The following TTLL11 variants were observed in gnomAD, a reference collection of about 807,000 sequenced individuals.
The protein encoded by TTLL11 is tubulin polyglutamylase TTLL11.
In TTLL11, 42 loss-of-function variants were observed where a neutral mutation model predicts 51.7. The ratio of observed to expected loss-of-function variants is 0.81; its 90% CI spans 0.64 to 1.05. TTLL11 has a LOEUF of 1.05. TTLL11 is among the 50% of genes least tolerant of loss of function. TTLL11 has a pLI of 0.00. For missense variants in TTLL11, 799 were observed against 940.4 expected (o/e 0.85, Z 1.97); for synonymous variants, 381 against 383.5 (o/e 0.99, Z 0.08).
At chr9:122,017,940 A>C (rs532426175) in intron 3 of TTLL11, among the ~76,000 whole-genome samples, 1 of 152,192 alleles carries the variant, frequency 6.6e-6, no homozygotes. Flanking sequence ...TGTTATAGCT[A>C]TATTTGTTTA....
chr9:121,856,668 G>A (rs1435835616), intron 8 of TTLL11, among the ~76,000 whole-genome samples: 6 of 152,104 alleles, frequency 3.9e-5, no homozygotes, highest in African/African-American at 7.2e-5. Context: ...GAATGAGTAC[G>A]TGTTCTTTGA....
intron 6 of TTLL11, among the ~76,000 whole-genome samples, chr9:121,939,917 G>A (rs1841379663): frequency 6.6e-6 from 1 of 152,156 alleles, no homozygotes; most frequent in Non-Finnish European, 1.5e-5. Context: ...GCAGCAGAAG[G>A]CAGAGGGGAG....
intron 6 of TTLL11, among the ~76,000 whole-genome samples, chr9:121,880,759 C>T (rs1213690780): frequency 6.6e-6 from 1 of 152,212 alleles, no homozygotes; most frequent in Non-Finnish European, 1.5e-5. Context: ...ACAATGAATA[C>T]AGTCATTATT....
intron 3 of TTLL11, among the ~76,000 whole-genome samples, chr9:122,024,931 G>A (rs747796584): frequency 6.6e-6 from 1 of 151,938 alleles, no homozygotes; most frequent in African/African-American, 2.4e-5. Context: ...ATTGGACTTT[G>A]TCAAAATTAA....
chr9:121,895,478 AGT>A (rs1839436966), intron 6 of TTLL11, among the ~76,000 whole-genome samples: 1 of 144,760 alleles, frequency 6.9e-6, no homozygotes, highest in African/African-American at 2.6e-5. Context: ...TGGTTGTATG[AGT>A]GTTAGTGTGT....
intron 6 of TTLL11, among the ~76,000 whole-genome samples, chr9:121,971,746 G>GAAAAAAAAAAAAAAAAAAAAAA (rs768215225): frequency 1.0e-4 from 10 of 97,890 alleles, no homozygotes; most frequent in African/African-American, 2.2e-4. Context: ...TCTGCCTTGG[G>GAAAAAAAAAAAAAAAAAAAAAA]AAAAAAAAAA....
intron 1 of TTLL11, among the ~76,000 whole-genome samples, chr9:122,073,054 G>A (rs949565241): frequency 1.3e-5 from 2 of 152,204 alleles, no homozygotes; most frequent in African/African-American, 4.8e-5. Context: ...TGTGCAGTAT[G>A]AGGATCCAAT....
intron 4 of TTLL11, among the ~76,000 whole-genome samples, chr9:121,976,362 T>A (rs1564337214): frequency 1.3e-5 from 2 of 152,344 alleles, no homozygotes; most frequent in Admixed American, 1.3e-4. Flanking sequence ...TTCATCTGGA[T>A]AACTTTTGCT....
intron 6 of TTLL11, among the ~76,000 whole-genome samples, chr9:121,949,656 C>G (rs1841789859): frequency 6.6e-6 from 1 of 152,010 alleles, no homozygotes; most frequent in African/African-American, 2.4e-5. Flanking sequence ...TCTCCTCTAC[C>G]ATCTGCGTCA....
chr9:122,008,652 C>T (rs1307958476), intron 3 of TTLL11, among the ~76,000 whole-genome samples: 1 of 152,148 alleles, frequency 6.6e-6, no homozygotes, highest in Non-Finnish European at 1.5e-5. Context: ...AACAAAAAAA[C>T]TAAAAATAGA....
chr9:121,826,501 GTATA>G (rs1218370792), intron 8 of TTLL11, among the ~76,000 whole-genome samples: 1 of 33,580 alleles, frequency 3.0e-5, no homozygotes, highest in Non-Finnish European at 6.2e-5. Context: ...ATATGTGTGT[GTATA>G]TATATATATG....
intron 8 of TTLL11, among the ~76,000 whole-genome samples, chr9:121,843,871 A>G (rs1320917125): frequency 6.6e-6 from 1 of 152,044 alleles, no homozygotes; most frequent in Non-Finnish European, 1.5e-5. Flanking sequence ...CAGGTGTCTC[A>G]CTGTGCGGCG....
intron 3 of TTLL11, among the ~76,000 whole-genome samples, chr9:122,014,162 C>T (rs550302671): frequency 2.6e-5 from 4 of 152,122 alleles, no homozygotes; most frequent in African/African-American, 9.6e-5. Context: ...GCCAGGAGTT[C>T]GAGAGCAGCC....
At chr9:121,986,207 C>G (rs1011744031) in intron 4 of TTLL11, among the ~76,000 whole-genome samples, 4 of 152,178 alleles carry the variant, frequency 2.6e-5, no homozygotes, top group Admixed American at 2.6e-4. Context: ...CCTCCACCAG[C>G]TCCCCACAGC....
intron 6 of TTLL11, among the ~76,000 whole-genome samples, chr9:121,914,023 C>T (rs1273877975): frequency 6.6e-6 from 1 of 152,198 alleles, no homozygotes; most frequent in Non-Finnish European, 1.5e-5. Flanking sequence ...CCACTTTCCA[C>T]TCGGAGAAAC....
At chr9:121,910,162 C>T (rs1439869621) in intron 6 of TTLL11, among the ~76,000 whole-genome samples, 2 of 152,204 alleles carry the variant, frequency 1.3e-5, no homozygotes, top group African/African-American at 4.8e-5. Context: ...GCTGTGGTCT[C>T]CCTCGCTTTG....
chr9:122,031,906 A>T, intron 2 of TTLL11, 50 bp from the exon 3 acceptor site: 1 of 1,572,718 alleles, frequency 6.4e-7, no homozygotes, highest in Non-Finnish European at 8.7e-7. Context: ...GCTACTAGCT[A>T]TAAAACAGCC....
chr9:121,906,811 A>G (rs1003982950), intron 6 of TTLL11, among the ~76,000 whole-genome samples: 1 of 152,188 alleles, frequency 6.6e-6, no homozygotes, highest in Non-Finnish European at 1.5e-5. Flanking sequence ...TTTGTGGTAT[A>G]CCTTCCAGGG....
Position 122,093,116 on chromosome 9 carries a change from C to T in TTLL11, c.33G>A (p.Ala11=). The T allele has an allele frequency of 6.7e-7, 1 of 1,494,842 alleles. No homozygotes were observed. The highest frequency in any genetic ancestry group is 8.9e-7 in the Non-Finnish European group (1 of 1,129,080). 92.6% of individuals were successfully genotyped at this position (1,494,842 alleles called of 1,614,324 possible). ...CCACCGCCTCCGCCTCCCACCGGGC[C>T]GCCAGCTCGCTCTCGGAGCTGCCCC... MRRGSSESEL[A]ARWEAEAVAA... is the part of the protein sequence containing the mutation. The change falls in exon 1 of 9, where the codon GCG becomes GCA. Residue 11 remains alanine (A), a synonymous_variant. Transcript: ENST00000321582.
Sources: gnomAD v4.1 joint callset for allele counts (sites outside exome capture counted in the v4.1 genomes callset) on GRCh38, gnomAD v4.1.1 for gene constraint, MANE v1.5 for transcripts, NCBI Gene and HGNC (gene_info 2026-07-23, HGNC 2026-07-21) for gene names.